Variants in OR1S1 observed in about 807,000 individuals in gnomAD.
OR1S1 encodes the protein olfactory receptor family 1 subfamily S member 1.
For synonymous variants in OR1S1, 156 were observed against 143.9 expected (o/e 1.08, Z -0.60); for missense variants, 411 against 367.5 (o/e 1.12, Z -0.97).
At chr11:58,215,690 A>G (rs7103026) in exon 2 of OR1S1, 401,430 of 1,612,876 alleles carry the variant, frequency 0.25, 53,335 homozygotes, top group Non-Finnish European at 0.28. Context: ...TGCCCTGAGA[A>G]AGCTCATCAA....
chr11:58,215,526 T>C (rs532495499), exon 2 of OR1S1: 155 of 1,613,970 alleles, frequency 9.6e-5, no homozygotes, highest in African/African-American at 2.3e-4. Context: ...CTGACAGTTG[T>C]ATTACTGTTC....
At chr11:58,215,849 C>G (rs1215938842) in exon 2 of OR1S1, 2 of 1,232,738 alleles carry the variant, frequency 1.6e-6, no homozygotes, top group Non-Finnish European at 2.3e-6. Flanking sequence ...ATTCCAACCT[C>G]TGAAGGGGTT....
intron 1 of OR1S1, among the ~76,000 whole-genome samples, chr11:58,214,489 G>A (rs1852891842): frequency 1.3e-5 from 2 of 152,192 alleles, no homozygotes; most frequent in South Asian, 4.1e-4. Context: ...ATGACCCTCA[G>A]TTTGCGGGAT....
exon 2 of OR1S1, chr11:58,215,830 C>T (rs1852933265): frequency 7.2e-7 from 1 of 1,394,164 alleles, no homozygotes; most frequent in East Asian, 2.3e-5. Flanking sequence ...TTGCAGGTAT[C>T]TGTCTCCTAT....
chr11:58,214,719 A>G lies in OR1S1; in HGVS notation c.-55-10A>G, dbSNP rs1418648006. 1.2e-6 allele frequency: 2 copies of G among 1,602,664 alleles called. No individual in the cohort carries two copies. The highest frequency in any genetic ancestry group is 1.7e-6 in the Non-Finnish European group (2 of 1,172,770). Reference sequence around the variant, plus strand: ...ACTGCAATGGCTGCAGCCAAATGATACCATGTTAGGTTTTCTTGTAGGAAT... The same window carrying G: ...ACTGCAATGGCTGCAGCCAAATGATGCCATGTTAGGTTTTCTTGTAGGAAT... On this transcript the variant is annotated splice_polypyrimidine_tract_variant and intron_variant, in intron 1 of 1. Coordinates refer to ENST00000641544, the Ensembl canonical transcript of OR1S1.
Position 58,214,849 on chromosome 11 carries a change from G to C in OR1S1, c.66G>C (p.Glu22Asp), listed in dbSNP as rs372841968. Residue 22 changes from glutamate to aspartate, a missense_variant, in exon 2 of 2, where the codon GAG becomes GAC. Glu to Asp is a conservative substitution (Grantham distance 45, BLOSUM62 2). Transcript: ENST00000641544. ...TCCTGGGATTTTTCAAGCAGGATGA[G>C]CATCAAAACCTCCTCTTTGTGCTTT... 4.3e-6 allele frequency: 7 copies of C among 1,613,878 alleles called. No individual in the cohort carries two copies. In the African/African-American group the frequency reaches 9.3e-5, roughly 22 times the overall value.
exon 2 of OR1S1, chr11:58,215,025 T>C (rs771625028): frequency 6.2e-7 from 1 of 1,614,142 alleles, no homozygotes; most frequent in Admixed American, 1.7e-5. Flanking sequence ...GTCCCCAAAA[T>C]GCTGGTGAAT....
chr11:58,215,488 G>A lies in OR1S1; in HGVS notation c.705G>A (p.Trp235Ter). The A allele has an allele frequency of 6.2e-7, 1 of 1,614,100 alleles. No individual in the cohort carries two copies. The highest frequency in any genetic ancestry group is 8.5e-7 in the Non-Finnish European group (1 of 1,180,010). ...GAGTATCTTCCACACAGGGAAAGTG[G>A]AAAGCCTTCTCCACTTGTGGCTCTC... The change falls in exon 2 of 2, where the codon TGG becomes TGA. Residue 235 changes from tryptophan to a stop codon, truncating the protein, a stop_gained. Transcript: ENST00000641544. LOFTEE classifies it low-confidence loss of function (END_TRUNC).
Position 58,215,118 on chromosome 11 carries a change from A to G in OR1S1, c.335A>G (p.Asn112Ser), listed in dbSNP as rs149630944. Reference sequence around the variant, plus strand: ...TCTATTGTGTTTGTCGTCATTGACAATTTGCTCTTGGGGACCATGGCCTAT... The same window carrying G: ...TCTATTGTGTTTGTCGTCATTGACAGTTTGCTCTTGGGGACCATGGCCTAT... Residue 112 changes from asparagine to serine, a missense_variant, in exon 2 of 2, where the codon AAT becomes AGT. Asn to Ser is a conservative substitution (Grantham distance 46, BLOSUM62 1). Coordinates refer to ENST00000641544, the Ensembl canonical transcript of OR1S1. 56 of 1,614,004 alleles carry G rather than the reference A, an allele frequency of 3.5e-5. No homozygotes were observed. In the African/African-American group the frequency reaches 3.6e-4, roughly 10 times the overall value.
chr11:58,214,456 A>G (rs1049108562), intron 1 of OR1S1, among the ~76,000 whole-genome samples: 5 of 152,224 alleles, frequency 3.3e-5, no homozygotes, highest in African/African-American at 9.6e-5. Flanking sequence ...TAACATGTTT[A>G]GAATATAGGG....
exon 2 of OR1S1, chr11:58,215,515 C>T (rs1852925108): frequency 1.2e-6 from 2 of 1,614,134 alleles, no homozygotes; most frequent in South Asian, 1.1e-5. Flanking sequence ...GTGGCTCTCA[C>T]CTGACAGTTG....
At chr11:58,214,891 G>T in exon 2 of OR1S1, 1 of 1,614,036 alleles carries the variant, frequency 6.2e-7, no homozygotes, top group Non-Finnish European at 8.5e-7. Context: ...GTATGTACCT[G>T]GTCACTGTGA....
At chr11:58,215,852 A>T in exon 2 of OR1S1, 1 of 1,178,548 alleles carries the variant, frequency 8.5e-7, no homozygotes, top group Non-Finnish European at 1.2e-6. Context: ...CCAACCTCTG[A>T]AGGGGTTGGA....
chr11:58,215,131 G>C, exon 2 of OR1S1: 1 of 1,614,108 alleles, frequency 6.2e-7, no homozygotes, highest in Non-Finnish European at 8.5e-7. Flanking sequence ...TGCTCTTGGG[G>C]ACCATGGCCT....
exon 2 of OR1S1, chr11:58,215,301 C>G (rs1852920793): frequency 6.2e-7 from 1 of 1,613,492 alleles, no homozygotes; most frequent in Admixed American, 1.7e-5. Context: ...AACCACAACA[C>G]TCTCCCACAC....
rs74692568 is a variant in OR1S1, at chr11:58,214,450, A to G, written c.-55-279A>G. Among the ~76,000 whole-genome samples, 391 of 152,324 alleles carry G rather than the reference A, an allele frequency of 2.6e-3. 12 individuals carry two copies. In the East Asian group the frequency reaches 0.061, roughly 24 times the overall value. On this transcript the variant is annotated intron_variant, in intron 1 of 1. Transcript: ENST00000641544. ...AGTTAATTCTGCAGGTGTATATAAC[A>G]TGTTTAGAATATAGGGTATGCCTCA...
intron 1 of OR1S1, among the ~76,000 whole-genome samples, chr11:58,214,042 T>G (rs1429851095): frequency 6.6e-6 from 1 of 152,310 alleles, no homozygotes; most frequent in East Asian, 1.9e-4. Context: ...ACCACCATCT[T>G]TTCCCTCTAT....
chr11:58,214,821 T>C (rs1852903122), exon 2 of OR1S1: 1 of 1,613,962 alleles, frequency 6.2e-7, no homozygotes, highest in East Asian at 2.2e-5. Flanking sequence ...ACTGAATTCA[T>C]TCTCCTGGGA....
exon 2 of OR1S1, chr11:58,215,857 G>GA (rs1464827408): frequency 1.7e-6 from 2 of 1,152,690 alleles, no homozygotes; most frequent in East Asian, 2.4e-5. Context: ...CTCTGAAGGG[G>GA]TTGGAGCTTT....
Sources: gnomAD v4.1 joint callset for allele counts (sites outside exome capture counted in the v4.1 genomes callset) on GRCh38, gnomAD v4.1.1 for gene constraint, MANE v1.5 for transcripts, NCBI Gene and HGNC (gene_info 2026-07-23, HGNC 2026-07-21) for gene names.